SLCO1B1: variants seen among roughly 807,000 people sequenced by gnomAD.
SLCO1B1 encodes the protein solute carrier organic anion transporter family member 1B1.
In SLCO1B1, 81 loss-of-function variants were observed where a neutral mutation model predicts 70.1. The observed-to-expected ratio is 1.16, with a 90% confidence interval of 0.97 to 1.39. The LOEUF (loss-of-function observed/expected upper bound fraction) is 1.39, where lower values mean the gene tolerates loss of function less well. Among genes scored for constraint, SLCO1B1 ranks in the 40% most tolerant of loss-of-function variants. The pLI is 0.00. For synonymous variants in SLCO1B1, 283 were observed against 271.5 expected, an observed-to-expected ratio of 1.04 and a Z score of -0.42; for missense variants, 895 against 799.6, an observed-to-expected ratio of 1.12 and a Z score of -1.44.
intron 7 of SLCO1B1, among the ~76,000 whole-genome samples, chr12:21,189,257 T>C (rs908865829): frequency 1.1e-4 from 17 of 152,186 alleles, no homozygotes; most frequent in Admixed American, 3.3e-4. Context: ...TATCTCCACA[T>C]TCTTGCAAAC....
rs185444586 is a variant in SLCO1B1 at position 21,156,568 on chromosome 12, C to T, written c.84+14910C>T. ...AATTGTTAAAGATAGAATTGCCTAACGTTAGTTAATAACAGAAAAAATATC... is the reference window on the plus strand; with the variant it reads ...AATTGTTAAAGATAGAATTGCCTAATGTTAGTTAATAACAGAAAAAATATC... On this transcript the variant is annotated intron_variant, in intron 2 of 14. Transcript: ENST00000256958. Among the ~76,000 whole-genome samples the T allele has an allele frequency of 3.0e-3, 462 of 152,024 alleles. 2 individuals carry two copies. Among genetic ancestry groups the T allele is most frequent in the African/African-American group, 0.01 (421 of 41,470 alleles).
chr12:21,132,311 T>C (rs1034265753), intron 1 of SLCO1B1, among the ~76,000 whole-genome samples: 1 of 152,222 alleles, frequency 6.6e-6, no homozygotes, highest in Non-Finnish European at 1.5e-5. Context: ...TGCATGTGTC[T>C]TTATAGCAGC....
At chr12:21,168,943 T>C (rs565446221) in intron 2 of SLCO1B1, among the ~76,000 whole-genome samples, 14 of 152,214 alleles carry the variant, frequency 9.2e-5, no homozygotes, top group African/African-American at 2.6e-4. Flanking sequence ...ATTTTAAAAA[T>C]TGCCAAATTG....
In SLCO1B1 at chr12:21,200,646, C is replaced by T. The variant is rs1941147011; in HGVS notation, c.1109C>T (p.Pro370Leu). ...TACGTAGAGCAACAGTATGGTCAGC[C>T]TTCATCTAAGGCTAACATCTTATTG... Reference protein sequence around the residue: ...FKYVEQQYGQPSSKANILLGV... With the variant: ...FKYVEQQYGQLSSKANILLGV... The change falls in exon 9 of 15, where the codon CCT (proline) becomes CTT (leucine). Residue 370 changes from proline to leucine, a missense_variant. Coordinates refer to ENST00000256958, the MANE Select transcript of SLCO1B1 (RefSeq NM_006446.5). 6.2e-7 allele frequency: 1 copy of T among 1,612,190 alleles called. No individual in the cohort carries two copies. The highest frequency in any genetic ancestry group is 1.3e-5 in the African/African-American group (1 of 74,830).
chr12:21,196,415 G>C (rs958100098), intron 7 of SLCO1B1, among the ~76,000 whole-genome samples: 4 of 152,014 alleles, frequency 2.6e-5, no homozygotes, highest in African/African-American at 9.7e-5. Context: ...ACTCTTCAGG[G>C]TTACTTTTAA....
chr12:21,235,480 T>C (rs1470739319), intron 14 of SLCO1B1, among the ~76,000 whole-genome samples: 1 of 141,266 alleles, frequency 7.1e-6, no homozygotes, highest in East Asian at 2.0e-4. Context: ...GAAGGTTGCC[T>C]TTTTTTTTTT....
intron 2 of SLCO1B1, among the ~76,000 whole-genome samples, chr12:21,167,298 T>A: frequency 6.6e-6 from 1 of 152,174 alleles, no homozygotes; most frequent in East Asian, 1.9e-4. Flanking sequence ...AATGAAAATT[T>A]AGCTGAGTAT....
At chr12:21,202,735 T>A in intron 10 of SLCO1B1, 49 bp downstream of exon 10, 1 of 1,413,710 alleles carries the variant, frequency 7.1e-7, no homozygotes, top group Non-Finnish European at 9.9e-7. Flanking sequence ...ACCATCAAAT[T>A]AAGAGTCTCT....
intron 2 of SLCO1B1, among the ~76,000 whole-genome samples, chr12:21,168,025 G>C (rs1473011167): frequency 6.6e-6 from 1 of 150,996 alleles, no homozygotes; most frequent in Non-Finnish European, 1.5e-5. Flanking sequence ...GTTTCACTAT[G>C]TTGGCTAGGC....
chr12:21,141,871 G>A (rs1342490882), intron 2 of SLCO1B1, among the ~76,000 whole-genome samples: 4 of 151,662 alleles, frequency 2.6e-5, no homozygotes, highest in Admixed American at 2.6e-4. Context: ...ATGCTTAATA[G>A]TTTATCAATG....
At chr12:21,136,749 CT>C (rs1174248551) in intron 1 of SLCO1B1, among the ~76,000 whole-genome samples, 3 of 151,942 alleles carry the variant, frequency 2.0e-5, no homozygotes, top group African/African-American at 7.3e-5. Context: ...TTTTTCAAAG[CT>C]TTTAACTTCT....
intron 2 of SLCO1B1, among the ~76,000 whole-genome samples, chr12:21,149,697 T>C (rs1940439938): frequency 6.6e-6 from 1 of 152,138 alleles, no homozygotes; most frequent in South Asian, 2.1e-4. Context: ...TCCCAGTCTT[T>C]GCCACTGGCA....
At chr12:21,179,810 G>A (rs534181707) in intron 7 of SLCO1B1, among the ~76,000 whole-genome samples, 20 of 151,750 alleles carry the variant, frequency 1.3e-4, no homozygotes, top group Non-Finnish European at 2.5e-4. Flanking sequence ...CTTTTATTCA[G>A]CAAACACACC....
At chr12:21,187,986 A>G (rs1401156644) in intron 7 of SLCO1B1, among the ~76,000 whole-genome samples, 2 of 152,188 alleles carry the variant, frequency 1.3e-5, no homozygotes, top group African/African-American at 4.8e-5. Context: ...AATTGTTATT[A>G]GGCAATCTAG....
chr12:21,157,298 T>C (rs1380645978), intron 2 of SLCO1B1, among the ~76,000 whole-genome samples: 2 of 151,934 alleles, frequency 1.3e-5, no homozygotes, highest in East Asian at 1.9e-4. Flanking sequence ...TATAGTAAAG[T>C]GAGTGTAAAG....
rs1941170986 is a variant in SLCO1B1 at position 21,202,585 on chromosome 12, C to A, written c.1230C>A (p.Phe410Leu). ...FKLNTVGIAK[F>L]SCFTAVMSLS... ...TGAACACCGTTGGAATTGCCAAATT[C>A]TCATGTTTTACTGCTGTGATGTCAT... is the stretch of plus-strand genomic sequence containing the variant. Residue 410 changes from phenylalanine to leucine, a missense_variant, in exon 10 of 15, where the codon TTC becomes TTA. Physicochemically the swap from Phe to Leu is conservative, Grantham distance 22. Transcript: ENST00000256958. The A allele has an allele frequency of 6.2e-7, 1 of 1,612,362 alleles. No homozygotes were observed. Among genetic ancestry groups the A allele is most frequent in the Non-Finnish European group, 8.5e-7 (1 of 1,179,034 alleles).
chr12:21,207,627 T>C (rs1469771793), intron 11 of SLCO1B1, among the ~76,000 whole-genome samples: 2 of 152,012 alleles, frequency 1.3e-5, no homozygotes, highest in East Asian at 3.9e-4. Flanking sequence ...GTGTTTTTGG[T>C]AGAAGAATTT....
chr12:21,192,542 GT>G (rs1941042807), intron 7 of SLCO1B1, among the ~76,000 whole-genome samples: 1 of 150,748 alleles, frequency 6.6e-6, no homozygotes, highest in Non-Finnish European at 1.5e-5. Context: ...ACACTTAGTT[GT>G]GTTGATATTT....
intron 14 of SLCO1B1, among the ~76,000 whole-genome samples, chr12:21,234,013 A>T (rs1941570950): frequency 2.0e-5 from 3 of 152,162 alleles, no homozygotes; most frequent in African/African-American, 4.8e-5. Context: ...AAAACAGAGA[A>T]ATTGCAATAA....
Sources: gnomAD v4.1 joint callset for allele counts (sites outside exome capture counted in the v4.1 genomes callset) on GRCh38, gnomAD v4.1.1 for gene constraint, MANE v1.5 for transcripts, NCBI Gene and HGNC (gene_info 2026-07-23, HGNC 2026-07-21) for gene names.